The following RAPGEF2 variants were observed in gnomAD, a reference collection of about 807,000 sequenced individuals.
The protein encoded by RAPGEF2 is PDZ domain containing guanine nucleotide exchange factor (GEF) 1.
Under a neutral mutation model 186.7 loss-of-function variants are expected in RAPGEF2, and 54 were observed. The observed-to-expected ratio is 0.29, with a 90% confidence interval of 0.23 to 0.36. RAPGEF2 has a LOEUF of 0.36. Among genes scored for constraint, RAPGEF2 ranks in the 10% least tolerant of loss-of-function variants. The pLI is 1.00. For missense variants in RAPGEF2, 1,532 were observed against 2,045.0 expected, an observed-to-expected ratio of 0.75 and a Z score of 4.84; for synonymous variants, 712 against 705.9, an observed-to-expected ratio of 1.01 and a Z score of -0.14.
chr4:159,169,692 C>T (rs1414557856), intron 1 of RAPGEF2, among the ~76,000 whole-genome samples: 1 of 151,422 alleles, frequency 6.6e-6, no homozygotes, highest in African/African-American at 2.4e-5. Context: ...TGCCTTTGTA[C>T]GCCTGGCTTA....
intron 28 of RAPGEF2, 90 bp downstream of exon 28, chr4:159,354,136 C>A: frequency 2.3e-6 from 3 of 1,322,096 alleles, no homozygotes; most frequent in South Asian, 1.6e-5. Flanking sequence ...TTTGTTGGTT[C>A]TTTTCCTCAT....
At chr4:159,171,074 A>G (rs758886585) in intron 1 of RAPGEF2, among the ~76,000 whole-genome samples, 16 of 152,234 alleles carry the variant, frequency 1.1e-4, no homozygotes, top group Admixed American at 2.0e-4. Context: ...GTGGTCTACT[A>G]TTAGAGTGTT....
intron 1 of RAPGEF2, among the ~76,000 whole-genome samples, chr4:159,158,452 A>G (rs1438212194): frequency 6.6e-6 from 1 of 152,182 alleles, no homozygotes; most frequent in Non-Finnish European, 1.5e-5. Context: ...TACCTAAACC[A>G]TCTTTGTTGA....
In RAPGEF2 at chr4:159,241,209, T is replaced by C. The variant is rs951230470; in HGVS notation, c.366T>C (p.Tyr122=). 12 of 1,524,550 alleles carry C rather than the reference T, an allele frequency of 7.9e-6. No individual in the cohort carries two copies. In the Admixed American group the frequency reaches 1.8e-4, roughly 23 times the overall value. The allele number at this position is 1,524,550 out of a possible 1,614,324, so 94.4% of individuals were successfully genotyped here. A position where few individuals can be genotyped will look rare whatever the true frequency, so the allele number is the denominator to read the frequency against. ...LEPSEMIVVD[Y]MDENEEYFQR... is the part of the protein sequence containing the mutation. The stretch of plus-strand genomic sequence containing the variant: ...GGGGGGTTTTATTTCAGGTGGACTA[T>C]ATGGATGAAAATGAAGAATATTTTC... Residue 122 remains tyrosine, a synonymous_variant, in exon 6 of 30, where the codon TAT becomes TAC. Transcript: ENST00000691494.
At chr4:159,241,495 A>G (rs1753992739) in intron 6 of RAPGEF2, 127 bp downstream of exon 6, 2 of 323,052 alleles carry the variant, frequency 6.2e-6, no homozygotes, top group Admixed American at 5.0e-5. Flanking sequence ...CACATTAAGT[A>G]TACTTAAATA....
chr4:159,133,303 A>C (rs79105168), intron 1 of RAPGEF2, among the ~76,000 whole-genome samples: 1,582 of 152,270 alleles, frequency 0.01, 30 homozygotes, highest in African/African-American at 0.036. Flanking sequence ...GTTGTTGTAG[A>C]AGTGGCTTAC....
rs185492649 is a variant in RAPGEF2 at position 159,305,049 on chromosome 4, A to G, written c.675+576A>G. 1.6e-3 allele frequency among the ~76,000 whole-genome samples: 243 copies of G among 152,300 alleles called. 1 individual carries two copies. Among genetic ancestry groups the G allele is most frequent in the African/African-American group, 4.9e-3 (204 of 41,572 alleles). On this transcript the variant is annotated intron_variant, in intron 8 of 29. Transcript: ENST00000691494. ...TTATGGCTGAATAGTATTTCATTGC[A>G]TATATGTACTGTACTTTATTCTGTC...
chr4:159,235,384 A>G (rs1016700407), intron 4 of RAPGEF2, among the ~76,000 whole-genome samples: 2 of 152,178 alleles, frequency 1.3e-5, no homozygotes, highest in Admixed American at 1.3e-4. Flanking sequence ...TGTTGAGTAT[A>G]ATGTTAAATG....
intron 23 of RAPGEF2, 97 bp downstream of exon 23, chr4:159,344,156 G>A (rs922588920): frequency 1.6e-5 from 22 of 1,397,220 alleles, no homozygotes; most frequent in Middle Eastern, 3.5e-4. Context: ...TTGCATTTTT[G>A]CATTTTTTTC....
At chr4:159,345,001 G>A in intron 23 of RAPGEF2, 105 bp from the exon 24 acceptor site, 1 of 875,970 alleles carries the variant, frequency 1.1e-6, no homozygotes, top group Non-Finnish European at 1.8e-6. Flanking sequence ...AATGAGGCAT[G>A]TGACCTTTTG....
chr4:159,113,734 C>G (rs1459798772), intron 1 of RAPGEF2, among the ~76,000 whole-genome samples: 2 of 108,584 alleles, frequency 1.8e-5, no homozygotes, highest in Non-Finnish European at 3.7e-5. Flanking sequence ...GGATGAGACT[C>G]TGTCTCAAAA....
intron 9 of RAPGEF2, among the ~76,000 whole-genome samples, chr4:159,319,313 A>G (rs922008262): frequency 2.6e-5 from 4 of 152,126 alleles, no homozygotes; most frequent in Non-Finnish European, 4.4e-5. Flanking sequence ...TAAGAGTGCA[A>G]ACCCTACTGT....
Position 159,104,015 on chromosome 4 carries a change from G to T in RAPGEF2, c.-148G>T. 5.1e-6 allele frequency: 1 copy of T among 197,536 alleles called. No individual in the cohort carries two copies. The highest frequency in any genetic ancestry group is 1.5e-4 in the South Asian group (1 of 6,478). 12.2% of individuals were successfully genotyped at this position (197,536 alleles called of 1,614,324 possible). Reference sequence around the variant, plus strand: ...GGGCCCAGCCGAGCCGCCCCCCCGCGGGCCCCGCGCCGCCGCCGCCGCGGT... The same window carrying T: ...GGGCCCAGCCGAGCCGCCCCCCCGCTGGCCCCGCGCCGCCGCCGCCGCGGT... On this transcript the variant is annotated 5_prime_UTR_variant, in exon 1 of 30. Coordinates refer to ENST00000691494, the MANE Select transcript of RAPGEF2 (RefSeq NM_001394067.2).
intron 1 of RAPGEF2, among the ~76,000 whole-genome samples, chr4:159,137,019 A>G (rs1415448772): frequency 6.6e-6 from 1 of 152,176 alleles, no homozygotes; most frequent in Non-Finnish European, 1.5e-5. Flanking sequence ...TATAATCATC[A>G]TAGGTTATTT....
At chr4:159,305,084 T>G (rs1763119780) in intron 8 of RAPGEF2, among the ~76,000 whole-genome samples, 1 of 152,242 alleles carries the variant, frequency 6.6e-6, no homozygotes, top group Non-Finnish European at 1.5e-5. Context: ...CATCCATTGA[T>G]GAACACTTTG....
intron 17 of RAPGEF2, among the ~76,000 whole-genome samples, chr4:159,333,745 A>G (rs754201192): frequency 2.6e-5 from 4 of 152,184 alleles, no homozygotes; most frequent in Non-Finnish European, 5.9e-5. Flanking sequence ...GCCATTTCTC[A>G]CTGTGCCACA....
chr4:159,259,622 CAA>C (rs2110734209), intron 7 of RAPGEF2, among the ~76,000 whole-genome samples: 1 of 152,068 alleles, frequency 6.6e-6, no homozygotes, highest in East Asian at 1.9e-4. Flanking sequence ...TAAGGAAAGC[CAA>C]AATCTTGCAG....
chr4:159,166,279 A>G (rs1345540043), intron 1 of RAPGEF2, among the ~76,000 whole-genome samples: 1 of 152,018 alleles, frequency 6.6e-6, no homozygotes, highest in Non-Finnish European at 1.5e-5. Flanking sequence ...ATGCCACTGC[A>G]CTCTAGCCTG....
intron 1 of RAPGEF2, among the ~76,000 whole-genome samples, chr4:159,123,578 G>A (rs146586833): frequency 0.016 from 2,378 of 144,902 alleles, 34 homozygotes; most frequent in Non-Finnish European, 0.024. Context: ...TTGTTCTGTC[G>A]CCCAGGCTGG....
Sources: allele counts gnomAD v4.1 joint callset (sites outside exome capture counted in the v4.1 genomes callset), GRCh38; gene constraint gnomAD v4.1.1; transcripts MANE v1.5; gene names NCBI Gene and HGNC (gene_info 2026-07-23, HGNC 2026-07-21).